ZNF793: variants seen among roughly 807,000 people sequenced by gnomAD.
ZNF793 encodes zinc finger protein 793.
ZNF793 carries 5 observed loss-of-function variants against 12.4 expected under a neutral mutation model. The observed-to-expected ratio is 0.40, with a 90% CI of 0.21 to 0.84. The LOEUF is 0.84. ZNF793 is among the 40% of genes least tolerant of loss of function. The probability of loss-of-function intolerance (pLI) is 0.35; values close to 1 mark genes in which losing one functional copy is unlikely to be tolerated. For synonymous variants in ZNF793, 162 were observed against 172.4 expected (o/e 0.94, Z 0.47); for missense variants, 456 against 495.0 (o/e 0.92, Z 0.75).
chr19:37,531,030 T>G (rs1041194962), intron 5 of ZNF793, among the ~76,000 whole-genome samples: 9 of 152,208 alleles, frequency 5.9e-5, no homozygotes, highest in Non-Finnish European at 1.3e-4. Flanking sequence ...CTTTTCACAG[T>G]TTATTTAGAG....
intron 5 of ZNF793, among the ~76,000 whole-genome samples, chr19:37,527,104 C>T (rs147986283): frequency 5.9e-5 from 9 of 152,184 alleles, no homozygotes; most frequent in Non-Finnish European, 8.8e-5. Flanking sequence ...TGCACCATCA[C>T]GCCCGGCTAA....
chr19:37,540,520 A>G lies in ZNF793; in HGVS notation c.*2641A>G. 1 of 103,790 alleles carries G rather than the reference A, an allele frequency of 9.6e-6. No individual in the cohort carries two copies. 6.4% of individuals were successfully genotyped at this position (103,790 alleles called of 1,614,324 possible). On this transcript the variant is annotated 3_prime_UTR_variant, in exon 8 of 8. Transcript: ENST00000627814. ...CATTTCATAGAATGTGTTAATTTAC[A>G]TTGTAATAGATGGGAACCACTTAAA... is the stretch of plus-strand genomic sequence containing the variant.
chr19:37,522,351 G>C (rs556742270), intron 3 of ZNF793, among the ~76,000 whole-genome samples, 181 bp from the exon 4 acceptor site: 1 of 151,870 alleles, frequency 6.6e-6, no homozygotes, highest in Non-Finnish European at 1.5e-5. Context: ...GTGCCTGCCA[G>C]CACACCCGGC....
At chr19:37,533,758 G>C (rs1404284706) in intron 7 of ZNF793, 3 of 452,698 alleles carry the variant, frequency 6.6e-6, no homozygotes, top group African/African-American at 6.0e-5. Context: ...CCTAATTTCT[G>C]CACTCAAATT....
rs151263375 is a variant in ZNF793 at position 37,521,351 on chromosome 19, G to A, written c.-147+1039G>A. ...TTGACCAGGCTGGTCTCGAACTTAC[G>A]ACCTCAAGCGATCCACCCACCTCGG... On this transcript the variant is annotated intron_variant, in intron 3 of 7. Coordinates refer to ENST00000627814, the MANE Select transcript of ZNF793 (RefSeq NM_001013659.3). Among the ~76,000 whole-genome samples the A allele has an allele frequency of 9.4e-3, 1,403 of 148,522 alleles. 11 individuals carry two copies. Among genetic ancestry groups the A allele is most frequent in the African/African-American group, 0.025 (1,005 of 40,216 alleles).
intron 2 of ZNF793, among the ~76,000 whole-genome samples, chr19:37,519,649 G>T (rs565783465): frequency 6.6e-6 from 1 of 152,190 alleles, no homozygotes; most frequent in African/African-American, 2.4e-5. Flanking sequence ...AATAACTCAG[G>T]AAAATCAAAA....
At chr19:37,511,489 A>G (rs2147057130) in intron 2 of ZNF793, among the ~76,000 whole-genome samples, 1 of 152,136 alleles carries the variant, frequency 6.6e-6, no homozygotes, top group South Asian at 2.1e-4. Context: ...TGGCCAACAC[A>G]GTGAAAACCC....
rs576434082 is a variant in ZNF793, at chr19:37,518,250, C to T, written c.-275-1934C>T. Among the ~76,000 whole-genome samples the T allele has an allele frequency of 8.7e-4, 132 of 152,114 alleles. 1 individual carries two copies. The Middle Eastern group carries it at 0.01, about 12-fold the overall frequency. On this transcript the variant is annotated intron_variant, in intron 2 of 7. Transcript: ENST00000627814. ...AAGCAATTCTCCTGCCTCAGCCTCC[C>T]GAGTAGCTGGGATTACAGGCCCCTC...
rs1378853525 is a variant in ZNF793 at position 37,541,044 on chromosome 19, G to T, written c.*3165G>T. 2 of 151,844 alleles carry T rather than the reference G, an allele frequency of 1.3e-5. No homozygotes were observed. Among genetic ancestry groups the T allele is most frequent in the African/African-American group, 4.8e-5 (2 of 41,330 alleles). 9.4% of individuals were successfully genotyped at this position (151,844 alleles called of 1,614,324 possible). A position where few individuals can be genotyped will look rare whatever the true frequency, so the allele number is the denominator to read the frequency against. ...AAGCCATTCTAATGAAATTAATATT[G>T]TATTGGCAAAGGAACAGGTAAATAC... is the stretch of plus-strand genomic sequence containing the variant. On this transcript the variant is annotated 3_prime_UTR_variant, in exon 8 of 8. Coordinates refer to ENST00000627814, the MANE Select transcript of ZNF793 (RefSeq NM_001013659.3).
intron 5 of ZNF793, among the ~76,000 whole-genome samples, chr19:37,529,885 C>A (rs530754134): frequency 6.6e-6 from 1 of 152,030 alleles, no homozygotes; most frequent in Non-Finnish European, 1.5e-5. Flanking sequence ...AAGAAAAATA[C>A]ACAAAGTATA....
At chr19:37,524,681 C>T (rs891593359) in intron 5 of ZNF793, among the ~76,000 whole-genome samples, 11 of 152,212 alleles carry the variant, frequency 7.2e-5, no homozygotes, top group Non-Finnish European at 1.5e-4. Context: ...CACAGCCTCT[C>T]ACAGTGTGGT....
chr19:37,510,869 T>C (rs2042289326), intron 2 of ZNF793, among the ~76,000 whole-genome samples: 1 of 151,754 alleles, frequency 6.6e-6, no homozygotes, highest in African/African-American at 2.4e-5. Context: ...GCTACTTTTT[T>C]GTATTTTTAG....
At chr19:37,514,924 AT>A (rs1471329129) in intron 2 of ZNF793, among the ~76,000 whole-genome samples, 1 of 152,250 alleles carries the variant, frequency 6.6e-6, no homozygotes, top group Non-Finnish European at 1.5e-5. Context: ...ATTTGATAAA[AT>A]TCAACATCTG....
chr19:37,515,539 A>T (rs921170837), intron 2 of ZNF793, among the ~76,000 whole-genome samples: 3 of 152,094 alleles, frequency 2.0e-5, no homozygotes, highest in African/African-American at 7.2e-5. Flanking sequence ...CAATCTCCTG[A>T]CCTTGTGATC....
intron 5 of ZNF793, among the ~76,000 whole-genome samples, chr19:37,527,302 C>T (rs536930984): frequency 2.4e-4 from 36 of 152,286 alleles, no homozygotes; most frequent in Non-Finnish European, 3.8e-4. Flanking sequence ...GATCCACCCT[C>T]CTCAGCCTCC....
chr19:37,520,766 C>T (rs1033300184), intron 3 of ZNF793, among the ~76,000 whole-genome samples: 1 of 152,166 alleles, frequency 6.6e-6, no homozygotes, highest in Admixed American at 6.5e-5. Flanking sequence ...TCATTTTTGG[C>T]ACCTCACCTG....
intron 2 of ZNF793, among the ~76,000 whole-genome samples, chr19:37,518,164 C>T (rs1333955808): frequency 6.6e-6 from 1 of 151,984 alleles, no homozygotes; most frequent in African/African-American, 2.4e-5. Context: ...CTCGCTCTGT[C>T]GCCCAGGCTG....
Position 37,510,653 on chromosome 19 carries a change from T to C in ZNF793, c.-276+2250T>C, listed in dbSNP as rs183872827. Among the ~76,000 whole-genome samples the C allele has an allele frequency of 4.6e-5, 7 of 150,886 alleles. No homozygotes were observed. In the East Asian group the frequency reaches 1.2e-3, roughly 26 times the overall value. ...GAGCTATGATTGTGCCACTGCACCC[T>C]AGCCTGGGTGACAGAGTGAGACCCT... On this transcript the variant is annotated intron_variant, in intron 2 of 7. Coordinates refer to ENST00000627814, the MANE Select transcript of ZNF793 (RefSeq NM_001013659.3).
rs1287986095 is a variant in ZNF793, at chr19:37,537,311, A to T, written c.653A>T (p.Lys218Met). The T allele has an allele frequency of 6.2e-7, 1 of 1,613,748 alleles. No homozygotes were observed. The highest frequency in any genetic ancestry group is 1.7e-5 in the Admixed American group (1 of 59,992). Residue 218 changes from lysine (K) to methionine (M), a missense_variant, in exon 8 of 8, where the codon AAG becomes ATG. Coordinates refer to ENST00000627814, the MANE Select transcript of ZNF793 (RefSeq NM_001013659.3). The stretch of plus-strand genomic sequence containing the variant: ...AGTGATTCTCTCTTGTACAAACGGA[A>T]GAGGGTTCCACCTACAGAAAAACCC... ...AVSDSLLYKR[K>M]RVPPTEKPHV...
Sources: gnomAD v4.1 joint callset for allele counts (sites outside exome capture counted in the v4.1 genomes callset) on GRCh38, gnomAD v4.1.1 for gene constraint, MANE v1.5 for transcripts, NCBI Gene and HGNC (gene_info 2026-07-23, HGNC 2026-07-21) for gene names.